The following ATP7A variants were observed in gnomAD, a reference collection of about 807,000 sequenced individuals.
ATP7A encodes ATPase copper transporting alpha.
Under a neutral mutation model 83.5 loss-of-function variants are expected in ATP7A, and 7 were observed. The observed-to-expected ratio is 0.08, with a 90% CI of 0.05 to 0.16. ATP7A has a LOEUF of 0.16. Among genes scored for constraint, ATP7A ranks in the 10% least tolerant of loss-of-function variants. The pLI is 1.00. For synonymous variants in ATP7A, 354 were observed against 395.2 expected (o/e 0.90, Z 1.24); for missense variants, 940 against 1,120.8 (o/e 0.84, Z 2.30).
chrX:78,022,505 GTTTA>G (rs34027769), intron 14 of ATP7A, among the ~76,000 whole-genome samples: 91 of 95,801 alleles, frequency 9.5e-4, no homozygotes, highest in African/African-American at 2.3e-3. Context: ...TTGTTTGTTT[GTTTA>G]TTTATTTATT....
intron 16 of ATP7A, among the ~76,000 whole-genome samples, chrX:78,033,101 A>T (rs2077992417): frequency 2.7e-5 from 3 of 111,222 alleles, no homozygotes. Flanking sequence ...TAAAACAAAG[A>T]TTTTTTTTTA....
intron 1 of ATP7A, among the ~76,000 whole-genome samples, chrX:77,970,224 T>A (rs1458877944): frequency 8.9e-6 from 1 of 111,759 alleles, no homozygotes; most frequent in African/African-American, 3.3e-5. Flanking sequence ...CTTGTATGTC[T>A]TCATACTTGG....
rs782071786 is a variant in ATP7A at position 77,998,297 on chromosome X, T to A, written c.1337-181T>A. On this transcript the variant is annotated intron_variant, in intron 4 of 22. Coordinates refer to ENST00000341514, the MANE Select transcript of ATP7A (RefSeq NM_000052.7). ...TCCTGGGAATTGGGATGGGAAGTAT[T>A]GAAATTGGAAGTCACTGCGGAGGAA... Among the ~76,000 whole-genome samples, 9 of 111,861 alleles carry A rather than the reference T, an allele frequency of 8.0e-5. No homozygotes were observed. The South Asian group carries it at 3.3e-3, about 41-fold the overall frequency.
chrX:78,014,847 C>A lies in ATP7A; in HGVS notation c.2498+94C>A, dbSNP rs782485782. 6.4e-5 allele frequency: 40 copies of A among 628,062 alleles called. No homozygotes were observed. In the African/African-American group the frequency reaches 6.7e-4, roughly 10 times the overall value. 51.8% of individuals were successfully genotyped at this position (628,062 alleles called of 1,213,427 possible). ...AGTAGAAAAAGGACTATCATGAATT[C>A]ACATAATCTGTCTCCCAGATATAAA... On this transcript the variant is annotated intron_variant, in intron 11 of 22. Coordinates refer to ENST00000341514, the MANE Select transcript of ATP7A (RefSeq NM_000052.7).
At chrX:77,996,774 A>T (rs1222917982) in intron 4 of ATP7A, among the ~76,000 whole-genome samples, 2 of 95,283 alleles carry the variant, frequency 2.1e-5, no homozygotes, top group African/African-American at 8.0e-5. Context: ...TGATGAACAG[A>T]AAAAACTTTT....
intron 1 of ATP7A, among the ~76,000 whole-genome samples, chrX:77,931,282 C>T (rs1408777112): frequency 2.7e-5 from 3 of 110,161 alleles, no homozygotes; most frequent in African/African-American, 6.6e-5. Flanking sequence ...TTAATCCATT[C>T]AACTCTGAGT....
At position 77,998,525 on chromosome X, in the gene ATP7A, C is replaced by G. The variant is rs781964005; in HGVS notation, c.1384C>G (p.Pro462Ala). ...AATAGCTCAGCCTTCATCGGAAATGCCGCTTTTGACTTCAACTAATGAATT... is the reference window on the plus strand; with the variant it reads ...AATAGCTCAGCCTTCATCGGAAATGGCGCTTTTGACTTCAACTAATGAATT... ...VVIAQPSSEM[P>A]LLTSTNEFYT... The change falls in exon 5 of 23, where the codon CCG becomes GCG. Residue 462 changes from proline to alanine, a missense_variant. By Grantham distance (27) the Pro-to-Ala change is conservative. Around this residue, in one of 3 missense-constraint regions of ATP7A, gnomAD observed 350 missense variants for 432.8 expected, o/e 0.81. Transcript: ENST00000341514. 2.0e-5 allele frequency: 24 copies of G among 1,210,002 alleles called. 1 individual carries two copies. The highest frequency in any genetic ancestry group is 2.1e-5 in the Non-Finnish European group (19 of 895,236).
At chrX:78,010,678 C>G (rs1308833577) in intron 7 of ATP7A, among the ~76,000 whole-genome samples, 1 of 95,228 alleles carries the variant, frequency 1.1e-5, no homozygotes, top group East Asian at 3.8e-4. Context: ...CTCCTGGGTT[C>G]AAGCGATTCT....
chrX:77,970,133 A>G (rs141248079), intron 1 of ATP7A, among the ~76,000 whole-genome samples: 3,136 of 110,542 alleles, frequency 0.028, 116 homozygotes, highest in African/African-American at 0.099. Context: ...TTACCTGGCT[A>G]TTGGCGGGAG....
At chrX:77,931,961 C>G (rs1404492130) in intron 1 of ATP7A, among the ~76,000 whole-genome samples, 3 of 101,993 alleles carry the variant, frequency 2.9e-5, no homozygotes, top group African/African-American at 1.1e-4. Flanking sequence ...ACCCCCCCAC[C>G]TCCCTCCCGG....
At chrX:77,925,233 A>G in intron 1 of ATP7A, among the ~76,000 whole-genome samples, 1 of 112,335 alleles carries the variant, frequency 8.9e-6, no homozygotes, top group East Asian at 2.8e-4. Flanking sequence ...AGCTATAAAA[A>G]TTAATGCAAA....
intron 1 of ATP7A, chrX:77,962,686 G>T (rs184612588): frequency 7.6e-4 from 290 of 382,103 alleles, no homozygotes; most frequent in Non-Finnish European, 9.5e-4. Context: ...TTGAGCAGGA[G>T]CAGCAGCGGA....
chrX:78,028,731 C>G (rs1216377526), intron 14 of ATP7A, among the ~76,000 whole-genome samples: 2 of 112,334 alleles, frequency 1.8e-5, no homozygotes, highest in Admixed American at 1.9e-4. Context: ...ATATTTTTCC[C>G]ACATGAGCAA....
At chrX:77,937,552 A>C (rs1444140092) in intron 1 of ATP7A, among the ~76,000 whole-genome samples, 1 of 112,075 alleles carries the variant, frequency 8.9e-6, no homozygotes, top group Non-Finnish European at 1.9e-5. Flanking sequence ...AAAAATTGGA[A>C]ACAACCCAGT....
chrX:77,931,371 T>A (rs1348219515), intron 1 of ATP7A, among the ~76,000 whole-genome samples: 1 of 111,617 alleles, frequency 9.0e-6, no homozygotes, highest in Non-Finnish European at 1.9e-5. Flanking sequence ...AGAAGAATTT[T>A]TCTTAGTACG....
chrX:78,008,133 T>A (rs1305238026), intron 6 of ATP7A, among the ~76,000 whole-genome samples: 6 of 112,160 alleles, frequency 5.3e-5, no homozygotes, highest in African/African-American at 1.9e-4. Context: ...TTCTTACAAT[T>A]TCTGCCAGTT....
At chrX:77,949,486 A>G (rs1228957848) in intron 1 of ATP7A, among the ~76,000 whole-genome samples, 3 of 112,232 alleles carry the variant, frequency 2.7e-5, no homozygotes, top group African/African-American at 9.7e-5. Context: ...TCATAGAAAG[A>G]ACAACTCTCC....
chrX:77,949,841 T>C (rs782464295), intron 1 of ATP7A, among the ~76,000 whole-genome samples: 2 of 112,329 alleles, frequency 1.8e-5, no homozygotes, highest in Non-Finnish European at 3.8e-5. Context: ...TTATTATACA[T>C]GCATTAGGCT....
intron 1 of ATP7A, among the ~76,000 whole-genome samples, chrX:77,939,340 G>T (rs1295744663): frequency 1.8e-5 from 2 of 110,284 alleles, no homozygotes; most frequent in African/African-American, 6.6e-5. Flanking sequence ...TTGCTCTGAT[G>T]AATATTCCTA....
Sources: gnomAD v4.1 joint callset for allele counts (sites outside exome capture counted in the v4.1 genomes callset) on GRCh38, gnomAD v4.1.1 for gene constraint, gnomAD v4.1.1 regional missense constraint, MANE v1.5 for transcripts, NCBI Gene and HGNC (gene_info 2026-07-23, HGNC 2026-07-21) for gene names.